The following RORB variants were observed in gnomAD, a reference collection of about 807,000 sequenced individuals.
The protein encoded by RORB is RAR related orphan receptor B, also known as nuclear receptor ROR-beta.
In RORB, 6 loss-of-function variants were observed where a neutral mutation model predicts 59.1. The ratio of observed to expected loss-of-function variants is 0.10; its 90% CI spans 0.06 to 0.20. RORB has a LOEUF of 0.20. RORB is among the 10% of genes least tolerant of loss of function. RORB has a pLI of 1.00. For synonymous variants in RORB, 215 were observed against 204.5 expected, an observed-to-expected ratio of 1.05 and a Z score of -0.44; for missense variants, 320 against 560.5, an observed-to-expected ratio of 0.57 and a Z score of 4.33.
intron 1 of RORB, among the ~76,000 whole-genome samples, chr9:74,618,697 G>A (rs995371729): frequency 6.6e-6 from 1 of 152,060 alleles, no homozygotes; most frequent in Admixed American, 6.6e-5. Context: ...GAGAAACAGC[G>A]TGTATGCTTT....
chr9:74,658,994 T>G (rs35436838), intron 4 of RORB, among the ~76,000 whole-genome samples: 14,367 of 152,240 alleles, frequency 0.094, 1,297 homozygotes, highest in African/African-American at 0.24. Context: ...GAAAAACTCT[T>G]GAAATATCTT....
Position 74,632,307 on chromosome 9 carries a change from C to A in RORB, c.93+1940C>A, listed in dbSNP as rs372589599. Reference sequence around the variant, plus strand: ...ATGAAGCATACTCTGAGGTTTTAGTCAAAATGGCACTGTACACCACACTAT... The same window carrying A: ...ATGAAGCATACTCTGAGGTTTTAGTAAAAATGGCACTGTACACCACACTAT... On this transcript the variant is annotated intron_variant, in intron 2 of 9. Transcript: ENST00000376896. 5.6e-3 allele frequency among the ~76,000 whole-genome samples: 857 copies of A among 152,190 alleles called. 11 individuals are homozygous for A. Among genetic ancestry groups the A allele is most frequent in the African/African-American group, 0.02 (814 of 41,532 alleles).
chr9:74,571,730 C>A (rs1422378521), intron 1 of RORB, among the ~76,000 whole-genome samples: 1 of 152,116 alleles, frequency 6.6e-6, no homozygotes, highest in Non-Finnish European at 1.5e-5. Context: ...ACTTTGACCT[C>A]CACAATGTCA....
At chr9:74,527,347 C>G (rs1228626986) in intron 1 of RORB, among the ~76,000 whole-genome samples, 1 of 151,868 alleles carries the variant, frequency 6.6e-6, no homozygotes, top group Non-Finnish European at 1.5e-5. Context: ...AGTCGCTGTT[C>G]CAAAATCTGG....
At chr9:74,539,168 C>A (rs879528929) in intron 1 of RORB, among the ~76,000 whole-genome samples, 2 of 152,066 alleles carry the variant, frequency 1.3e-5, no homozygotes, top group African/African-American at 4.8e-5. Context: ...CATGAATACA[C>A]CTCACATGTT....
In RORB at chr9:74,660,494, T is replaced by C. The variant is rs1824164498; in HGVS notation, c.638-123T>C. On this transcript the variant is annotated intron_variant, in intron 4 of 9. Transcript: ENST00000376896. ...CTGAAGATTTTAAGATAGATAGCAATGTTAAAGACACTTTAATACAATAGG... is the reference window on the plus strand; with the variant it reads ...CTGAAGATTTTAAGATAGATAGCAACGTTAAAGACACTTTAATACAATAGG... The C allele has an allele frequency of 4.1e-6, 3 of 727,370 alleles. No homozygotes were observed. In the Admixed American group the frequency reaches 8.8e-5, roughly 21 times the overall value. The allele number at this position is 727,370 out of a possible 1,614,324, so 45.1% of individuals were successfully genotyped here.
At chr9:74,542,987 T>C (rs538372658) in intron 1 of RORB, among the ~76,000 whole-genome samples, 86 of 152,184 alleles carry the variant, frequency 5.7e-4, no homozygotes, top group Non-Finnish European at 1.2e-3. Flanking sequence ...GTTATGAAAA[T>C]TAAATGCTGT....
chr9:74,626,325 C>T (rs899988237), intron 1 of RORB, among the ~76,000 whole-genome samples: 2 of 152,078 alleles, frequency 1.3e-5, no homozygotes, highest in African/African-American at 2.4e-5. Context: ...TCTTTCATGA[C>T]ACTCTTTGAC....
intron 4 of RORB, 54 bp downstream of exon 4, chr9:74,642,869 C>A: frequency 7.2e-7 from 1 of 1,395,934 alleles, no homozygotes; most frequent in Non-Finnish European, 9.8e-7. Context: ...TTTGAATTTA[C>A]CTTGGTCCTA....
intron 1 of RORB, among the ~76,000 whole-genome samples, chr9:74,581,079 C>CAGACATCTTACAT (rs1563943352): frequency 6.6e-6 from 1 of 152,124 alleles, no homozygotes; most frequent in Admixed American, 6.6e-5. Context: ...CACAGAATCA[C>CAGACATCTTACAT]AGACATCTTA....
intron 1 of RORB, among the ~76,000 whole-genome samples, chr9:74,585,989 T>C (rs1822793044): frequency 6.6e-6 from 1 of 151,372 alleles, no homozygotes; most frequent in African/African-American, 2.4e-5. Flanking sequence ...AGAGACAGGG[T>C]TTCACCGTGT....
intron 9 of RORB, among the ~76,000 whole-genome samples, chr9:74,678,945 T>A (rs1425898544): frequency 6.7e-6 from 1 of 149,238 alleles, no homozygotes; most frequent in Non-Finnish European, 1.5e-5. Context: ...GGCAGGAGAA[T>A]CGCTTGAACC....
At chr9:74,622,145 G>T (rs2118389139) in intron 1 of RORB, among the ~76,000 whole-genome samples, 1 of 152,144 alleles carries the variant, frequency 6.6e-6, no homozygotes, top group Non-Finnish European at 1.5e-5. Context: ...ACCTGGTTTT[G>T]TGGTGTGCCC....
At chr9:74,505,954 G>A (rs1825865083) in intron 1 of RORB, among the ~76,000 whole-genome samples, 1 of 151,140 alleles carries the variant, frequency 6.6e-6, no homozygotes, top group African/African-American at 2.4e-5. Context: ...TCAGTGTAAG[G>A]AAGAGGGTAC....
chr9:74,684,807 G>C (rs1484768920), intron 9 of RORB, among the ~76,000 whole-genome samples: 1 of 152,090 alleles, frequency 6.6e-6, no homozygotes, highest in Admixed American at 6.6e-5. Flanking sequence ...TCTACAAGTG[G>C]GTTAGTGAGC....
intron 1 of RORB, among the ~76,000 whole-genome samples, chr9:74,545,322 T>C (rs1443225723): frequency 1.3e-5 from 2 of 152,192 alleles, no homozygotes; most frequent in Non-Finnish European, 2.9e-5. Flanking sequence ...GTAGTTCTAG[T>C]TGGAGTAAGA....
chr9:74,655,878 T>G (rs1036449034), intron 4 of RORB, among the ~76,000 whole-genome samples: 4 of 152,200 alleles, frequency 2.6e-5, no homozygotes, highest in Admixed American at 2.6e-4. Flanking sequence ...TTTTTGCACA[T>G]GGCTCACCTC....
intron 1 of RORB, among the ~76,000 whole-genome samples, chr9:74,531,134 A>G (rs1390518192): frequency 3.9e-5 from 6 of 151,968 alleles, no homozygotes; most frequent in Admixed American, 2.0e-4. Flanking sequence ...ACATTTTGCT[A>G]AGGAGTCAGT....
chr9:74,588,213 G>T (rs1822835787), intron 1 of RORB, among the ~76,000 whole-genome samples: 1 of 152,084 alleles, frequency 6.6e-6, no homozygotes, highest in African/African-American at 2.4e-5. Flanking sequence ...TAATAATTAA[G>T]GCAAGTCTCT....
Sources: gnomAD v4.1 joint callset for allele counts (sites outside exome capture counted in the v4.1 genomes callset) on GRCh38, gnomAD v4.1.1 for gene constraint, MANE v1.5 for transcripts, NCBI Gene and HGNC (gene_info 2026-07-23, HGNC 2026-07-21) for gene names.